Variants in LRBA observed in about 807,000 individuals in gnomAD.
LRBA encodes LPS responsive beige-like anchor protein.
LRBA carries 176 observed loss-of-function variants against 330.0 expected under a neutral mutation model. The ratio of observed to expected loss-of-function variants is 0.53; its 90% confidence interval spans 0.47 to 0.60. The LOEUF (loss-of-function observed/expected upper bound fraction) is 0.60, where lower values mean the gene tolerates loss of function less well. LRBA is among the 20% of genes least tolerant of loss of function. The pLI is 0.00. For synonymous variants in LRBA, 1,230 were observed against 1,193.0 expected (o/e 1.03, Z -0.64); for missense variants, 3,259 against 3,444.8 (o/e 0.95, Z 1.35).
Position 150,352,603 on chromosome 4 carries a change from A to C in LRBA, c.7195-2444T>G, listed in dbSNP as rs566295346. 2.6e-5 allele frequency among the ~76,000 whole-genome samples: 4 copies of C among 152,328 alleles called. No individual in the cohort carries two copies. The South Asian group carries it at 8.3e-4, about 32-fold the overall frequency. ...ACAGCACAAAACTGCTTCATATTTTACTTGAAATAAGAAGAGAGGAGCTTG... is the reference window on the plus strand; with the variant it reads ...ACAGCACAAAACTGCTTCATATTTTCCTTGAAATAAGAAGAGAGGAGCTTG... On this transcript the variant is annotated intron_variant, in intron 47 of 56. Coordinates refer to ENST00000651943, the MANE Select transcript of LRBA (RefSeq NM_001364905.1).
intron 34 of LRBA, among the ~76,000 whole-genome samples, chr4:150,794,552 A>T (rs1344660355): frequency 3.3e-5 from 5 of 151,774 alleles, no homozygotes; most frequent in African/African-American, 1.2e-4. Context: ...TTCTTATTAT[A>T]AATTATTATA....
intron 40 of LRBA, among the ~76,000 whole-genome samples, chr4:150,512,316 C>T (rs890287629): frequency 4.9e-4 from 75 of 152,230 alleles, no homozygotes; most frequent in African/African-American, 1.6e-3. Flanking sequence ...GAACTGGAAA[C>T]TTATGATTTA....
At chr4:150,882,438 A>C (rs1469341303) in intron 17 of LRBA, among the ~76,000 whole-genome samples, 2 of 152,208 alleles carry the variant, frequency 1.3e-5, no homozygotes, top group Non-Finnish European at 2.9e-5. Flanking sequence ...TTATATATTT[A>C]TCTAATCATA....
chr4:150,281,346 G>A (rs1039960552), intron 55 of LRBA, among the ~76,000 whole-genome samples: 1 of 152,120 alleles, frequency 6.6e-6, no homozygotes, highest in Non-Finnish European at 1.5e-5. Flanking sequence ...AGAATGTGAT[G>A]GAGAGACCGC....
chr4:150,622,322 T>G (rs1019718814), intron 37 of LRBA, among the ~76,000 whole-genome samples: 1 of 152,184 alleles, frequency 6.6e-6, no homozygotes, highest in African/African-American at 2.4e-5. Context: ...AAGGATCACT[T>G]GAGCCTAGAA....
intron 16 of LRBA, among the ~76,000 whole-genome samples, chr4:150,895,372 T>C (rs980343870): frequency 1.1e-4 from 17 of 152,118 alleles, no homozygotes; most frequent in Non-Finnish European, 2.5e-4. Context: ...CATGTTGGTG[T>C]GCTGCACCCA....
At chr4:150,489,305 T>A (rs111216488) in intron 41 of LRBA, among the ~76,000 whole-genome samples, 2 of 62,372 alleles carry the variant, frequency 3.2e-5, no homozygotes, top group African/African-American at 6.8e-5. Context: ...TAATATATTA[T>A]ATATAAGAAT....
chr4:150,860,883 G>A (rs1024193563), intron 22 of LRBA, among the ~76,000 whole-genome samples: 3 of 151,924 alleles, frequency 2.0e-5, no homozygotes, highest in African/African-American at 7.3e-5. Context: ...ATGAAGATAT[G>A]TTCTGAGAAA....
intron 47 of LRBA, among the ~76,000 whole-genome samples, chr4:150,379,191 T>C (rs1258333843): frequency 6.7e-6 from 1 of 149,886 alleles, no homozygotes; most frequent in East Asian, 2.0e-4. Flanking sequence ...TAATCTCAGC[T>C]ACTTGGGAGG....
chr4:150,590,620 T>C (rs1393183841), intron 39 of LRBA, 93 bp downstream of exon 39: 2 of 1,070,858 alleles, frequency 1.9e-6, no homozygotes, highest in African/African-American at 1.6e-5. Context: ...GGTATAAACT[T>C]GGTAGTCCTA....
chr4:150,415,386 G>A, intron 47 of LRBA, 52 bp downstream of exon 47: 1 of 1,547,072 alleles, frequency 6.5e-7, no homozygotes, highest in South Asian at 1.2e-5. Flanking sequence ...ACACATGAAA[G>A]ATGCTTTGAG....
intron 13 of LRBA, among the ~76,000 whole-genome samples, chr4:150,904,191 T>A (rs1157621596): frequency 2.0e-5 from 3 of 152,248 alleles, no homozygotes; most frequent in Admixed American, 2.0e-4. Context: ...TTCAACTTTA[T>A]GACCACTGAT....
chr4:150,450,827 G>C (rs1201338960), intron 44 of LRBA, among the ~76,000 whole-genome samples: 1 of 152,148 alleles, frequency 6.6e-6, no homozygotes, highest in Non-Finnish European at 1.5e-5. Flanking sequence ...TTGAGGCCAG[G>C]AGTTTGAGAC....
intron 37 of LRBA, among the ~76,000 whole-genome samples, chr4:150,661,078 TAA>T (rs559512113): frequency 0.21 from 21,331 of 102,662 alleles, 2,357 homozygotes; most frequent in East Asian, 0.5. Context: ...AAAAATAAAT[TAA>T]AAAAAAAAAA....
chr4:150,818,349 T>G (rs938168307), intron 30 of LRBA, among the ~76,000 whole-genome samples: 1 of 152,078 alleles, frequency 6.6e-6, no homozygotes, highest in Non-Finnish European at 1.5e-5. Context: ...GCATGGCTTA[T>G]TCAATGTACT....
In LRBA at chr4:150,775,657, T is replaced by C. The variant is rs1270265351; in HGVS notation, c.5581-13810A>G. 2.0e-5 allele frequency among the ~76,000 whole-genome samples: 3 copies of C among 152,090 alleles called. No individual in the cohort carries two copies. The East Asian group carries it at 5.8e-4, about 29-fold the overall frequency. Reference sequence around the variant, plus strand: ...GGTGCTATATTTCCAAGCAAAACAATTGAACCAATAAATATCCAGTGGGTT... The same window carrying C: ...GGTGCTATATTTCCAAGCAAAACAACTGAACCAATAAATATCCAGTGGGTT... On this transcript the variant is annotated intron_variant, in intron 34 of 56. Coordinates refer to ENST00000651943, the MANE Select transcript of LRBA (RefSeq NM_001364905.1).
chr4:150,544,648 T>C (rs1170546859), intron 40 of LRBA, among the ~76,000 whole-genome samples: 1 of 152,170 alleles, frequency 6.6e-6, no homozygotes, highest in African/African-American at 2.4e-5. Context: ...GTTCACCCCC[T>C]GTTGGCATGT....
chr4:150,433,594 T>C (rs557635772), intron 46 of LRBA, among the ~76,000 whole-genome samples: 15 of 152,060 alleles, frequency 9.9e-5, no homozygotes, highest in African/African-American at 3.6e-4. Context: ...GCTTAACAAA[T>C]GAAGGAATTT....
chr4:150,535,581 T>C (rs1764569857), intron 40 of LRBA, among the ~76,000 whole-genome samples: 1 of 152,198 alleles, frequency 6.6e-6, no homozygotes, highest in South Asian at 2.1e-4. Flanking sequence ...TCCCAATATA[T>C]TGGCTAAAAG....
Sources: allele counts gnomAD v4.1 joint callset (sites outside exome capture counted in the v4.1 genomes callset), GRCh38; gene constraint gnomAD v4.1.1; transcripts MANE v1.5; gene names NCBI Gene and HGNC (gene_info 2026-07-23, HGNC 2026-07-21).